The following GBP3 variants were observed in gnomAD, a reference collection of about 807,000 sequenced individuals.
The protein encoded by GBP3 is guanylate binding protein 3.
A neutral mutation model predicts 62.4 loss-of-function variants in GBP3; 55 were observed. The observed-to-expected ratio is 0.88, with a 90% confidence interval of 0.71 to 1.10. The LOEUF (loss-of-function observed/expected upper bound fraction) is 1.10, where lower values mean the gene tolerates loss of function less well. GBP3 is among the 50% of genes least tolerant of loss of function. The pLI is 0.00. For synonymous variants in GBP3, 208 were observed against 259.2 expected (o/e 0.80, Z 1.90); for missense variants, 605 against 690.6 (o/e 0.88, Z 1.39).
At chr1:89,008,095 TC>T (rs1678337250) in intron 10 of GBP3, among the ~76,000 whole-genome samples, 2 of 152,226 alleles carry the variant, frequency 1.3e-5, no homozygotes, top group Admixed American at 6.5e-5. Flanking sequence ...CTTGCTTTTT[TC>T]CCCCTATTAA....
chr1:89,022,214 G>C (rs142140379), intron 1 of GBP3, among the ~76,000 whole-genome samples: 1 of 152,108 alleles, frequency 6.6e-6, no homozygotes, highest in Non-Finnish European at 1.5e-5. Context: ...GTCTATAACC[G>C]TGTCAGTGGG....
chr1:89,021,542 A>ACACACC (rs749697146), intron 1 of GBP3, among the ~76,000 whole-genome samples: 1 of 125,476 alleles, frequency 8.0e-6, no homozygotes, highest in African/African-American at 2.6e-5. Flanking sequence ...ACACACACAC[A>ACACACC]CACCCCAAAA....
Position 89,009,467 on chromosome 1 carries a change from T to G in GBP3, c.1390A>C (p.Lys464Gln). 6.2e-7 allele frequency: 1 copy of G among 1,614,186 alleles called. No homozygotes were observed. Among genetic ancestry groups the G allele is most frequent in the Non-Finnish European group, 8.5e-7 (1 of 1,180,020 alleles). ...GCATCGGTCACAGACTCCTTGGATT[T>G]CAAGTATGTCTGCAGAATCTCTTCA... ...QAEEILQTYL[K>Q]SKESVTDAIL... is the part of the protein sequence containing the mutation. Residue 464 changes from lysine to glutamine, a missense_variant, in exon 9 of 11, where the codon AAA (lysine) becomes CAA (glutamine). Around this residue, in one of 3 missense-constraint regions of GBP3, gnomAD observed 160 missense variants for 147.8 expected, o/e 1.08. Coordinates refer to ENST00000370481, the MANE Select transcript of GBP3 (RefSeq NM_018284.3).
At chr1:89,020,472 G>T in intron 2 of GBP3, 60 bp downstream of exon 2, 1 of 1,593,412 alleles carries the variant, frequency 6.3e-7, no homozygotes, top group Non-Finnish European at 8.6e-7. Flanking sequence ...TCCTCATAAT[G>T]GATGCTGACT....
In GBP3 at chr1:89,008,949, G is replaced by A; in HGVS notation, c.1657C>T (p.Gln553Ter). 6 of 1,614,064 alleles carry A rather than the reference G, an allele frequency of 3.7e-6. No individual in the cohort carries two copies. The highest frequency in any genetic ancestry group is 4.2e-6 in the Non-Finnish European group (5 of 1,179,914). Residue 553 changes from glutamine to a stop codon, truncating the protein, a stop_gained and splice_region_variant, in exon 10 of 11, where the codon CAG (glutamine) becomes TAG (stop). Coordinates refer to ENST00000370481, the MANE Select transcript of GBP3 (RefSeq NM_018284.3). LOFTEE classifies it low-confidence loss of function (END_TRUNC). The part of the protein sequence containing the change: ...EQEKTLTSKL[Q>*]EQARVLKERC... ...CACAAGGTGATGCATTTGGATACCT[G>A]AAGTTTACTAGTGAGGGTCTTCTCT...
At chr1:89,018,407 G>T (rs1053820454) in intron 2 of GBP3, among the ~76,000 whole-genome samples, 8 of 152,124 alleles carry the variant, frequency 5.3e-5, no homozygotes, top group African/African-American at 1.9e-4. Context: ...GGCCATAAAC[G>T]CATTCATCTT....
At chr1:89,020,923 C>G (rs958494362) in intron 1 of GBP3, among the ~76,000 whole-genome samples, 180 bp from the exon 2 acceptor site, 1 of 152,132 alleles carries the variant, frequency 6.6e-6, no homozygotes, top group Non-Finnish European at 1.5e-5. Context: ...ATTGGTATGA[C>G]AGTAACTTAT....
In GBP3 at chr1:89,011,796, A is replaced by G. The variant is rs756356906; in HGVS notation, c.1100T>C (p.Met367Thr). 8.2e-6 allele frequency: 12 copies of G among 1,462,378 alleles called. 2 individuals are homozygous for G. Among genetic ancestry groups the G allele is most frequent in the Middle Eastern group, 1.8e-4 (1 of 5,602 alleles). The allele number at this position is 1,462,378 out of a possible 1,614,324, so 90.6% of individuals were successfully genotyped here. A position where few individuals can be genotyped will look rare whatever the true frequency, so the allele number is the denominator to read the frequency against. ...VSEREATEVY[M>T]KNSFKDVDHL... ...GTCCACATCCTTGAAAGAGTTCTTCATATAGACTTCAGTGGCCTCCCTCTC... is the reference window on the plus strand; with the variant it reads ...GTCCACATCCTTGAAAGAGTTCTTCGTATAGACTTCAGTGGCCTCCCTCTC... The change falls in exon 7 of 11, where the codon ATG becomes ACG. Residue 367 changes from methionine (M) to threonine (T), a missense_variant. Around this residue, in one of 3 missense-constraint regions of GBP3, gnomAD observed 137 missense variants for 224.7 expected, o/e 0.61. Transcript: ENST00000370481.
intron 1 of GBP3, among the ~76,000 whole-genome samples, chr1:89,021,794 A>AGAGAGAGAGG: frequency 8.3e-6 from 1 of 120,210 alleles, no homozygotes; most frequent in Non-Finnish European, 1.6e-5. Flanking sequence ...AAGATGAGAG[A>AGAGAGAGAGG]GAGAGAGAGA....
At chr1:89,016,465 G>A (rs1678894008) in intron 2 of GBP3, among the ~76,000 whole-genome samples, 2 of 152,226 alleles carry the variant, frequency 1.3e-5, no homozygotes, top group African/African-American at 4.8e-5. Flanking sequence ...GTTGCAGTGA[G>A]CCGAGATTGT....
At chr1:89,011,253 C>T in intron 7 of GBP3, 137 bp from the exon 8 acceptor site, 1 of 1,132,662 alleles carries the variant, frequency 8.8e-7, no homozygotes, top group East Asian at 2.6e-5. Context: ...CAGGACCACG[C>T]TCTTACTCCT....
chr1:89,013,138 A>T, intron 6 of GBP3, 47 bp downstream of exon 6: 1 of 1,589,590 alleles, frequency 6.3e-7, no homozygotes, highest in South Asian at 1.1e-5. Context: ...ATGCCTGGCC[A>T]TCCTTTAGTT....
chr1:89,010,806 C>T, intron 8 of GBP3, 98 bp downstream of exon 8: 1 of 1,384,778 alleles, frequency 7.2e-7, no homozygotes, highest in South Asian at 1.2e-5. Context: ...GTTATACAGA[C>T]AAAAAAGCAC....
At chr1:89,013,155 A>G (rs1418774576) in intron 6 of GBP3, 30 bp downstream of exon 6, 8 of 1,602,144 alleles carry the variant, frequency 5.0e-6, no homozygotes, top group Non-Finnish European at 6.8e-6. Flanking sequence ...AGTTTTAACA[A>G]TGAGTGGAAG....
Position 89,011,791 on chromosome 1 carries a change from T to G in GBP3, c.1105A>C (p.Asn369His), listed in dbSNP as rs1678580518. ...AGATGGTCCACATCCTTGAAAGAGTTCTTCATATAGACTTCAGTGGCCTCC... is the reference window on the plus strand; with the variant it reads ...AGATGGTCCACATCCTTGAAAGAGTGCTTCATATAGACTTCAGTGGCCTCC... ...EREATEVYMK[N>H]SFKDVDHLFQ... The change falls in exon 7 of 11, where the codon AAC (asparagine) becomes CAC (histidine). Residue 369 changes from asparagine (N) to histidine (H), a missense_variant. Physicochemically the swap from Asn to His is moderately conservative, Grantham distance 68. Around this residue, in one of 3 missense-constraint regions of GBP3, gnomAD observed 137 missense variants for 224.7 expected, o/e 0.61. Transcript: ENST00000370481. 6.8e-7 allele frequency: 1 copy of G among 1,462,358 alleles called. No individual in the cohort carries two copies. The highest frequency in any genetic ancestry group is 1.4e-5 in the African/African-American group (1 of 73,892). 90.6% of individuals were successfully genotyped at this position (1,462,358 alleles called of 1,614,324 possible).
intron 2 of GBP3, chr1:89,020,245 A>C: frequency 2.2e-6 from 1 of 449,490 alleles, no homozygotes; most frequent in Non-Finnish European, 4.2e-6. Context: ...CTCAAGAAAA[A>C]AAAAGACTAG....
intron 10 of GBP3, chr1:89,008,711 C>T (rs750639863): frequency 2.1e-5 from 14 of 658,540 alleles, no homozygotes; most frequent in Admixed American, 3.0e-5. Context: ...ATATGACAGC[C>T]GTAAGTGGAA....
chr1:89,009,260 G>A, intron 9 of GBP3, 120 bp from the exon 10 acceptor site: 2 of 1,374,580 alleles, frequency 1.5e-6, no homozygotes, highest in Non-Finnish European at 2.0e-6. Flanking sequence ...ACCTCAACAA[G>A]TAAGACATGT....
At chr1:89,018,792 T>C (rs1443728371) in intron 2 of GBP3, among the ~76,000 whole-genome samples, 1 of 152,170 alleles carries the variant, frequency 6.6e-6, no homozygotes, top group Non-Finnish European at 1.5e-5. Context: ...TAATAAATGC[T>C]GGCATATCCA....
Sources: gnomAD v4.1 joint callset for allele counts (sites outside exome capture counted in the v4.1 genomes callset) on GRCh38, gnomAD v4.1.1 for gene constraint, gnomAD v4.1.1 regional missense constraint, MANE v1.5 for transcripts, NCBI Gene and HGNC (gene_info 2026-07-23, HGNC 2026-07-21) for gene names.